The following PRUNE1 variants were observed in gnomAD, a reference collection of about 807,000 sequenced individuals.
The protein encoded by PRUNE1 is prune exopolyphosphatase 1.
Under a neutral mutation model 42.5 loss-of-function variants are expected in PRUNE1, and 25 were observed. That is an observed-to-expected ratio of 0.59 (90% confidence interval 0.43 to 0.82). The LOEUF (loss-of-function observed/expected upper bound fraction) is 0.82, where lower values mean the gene tolerates loss of function less well. PRUNE1 is among the 40% of genes least tolerant of loss of function. The pLI is 0.00. For synonymous variants in PRUNE1, 203 were observed against 217.1 expected, an observed-to-expected ratio of 0.93 and a Z score of 0.57; for missense variants, 443 against 539.3, an observed-to-expected ratio of 0.82 and a Z score of 1.77.
intron 1 of PRUNE1, among the ~76,000 whole-genome samples, chr1:151,016,935 C>T (rs1022275189): frequency 1.1e-4 from 17 of 150,814 alleles, no homozygotes. Context: ...CCAAGGCGGG[C>T]GGATCACCTG....
Position 151,034,106 on chromosome 1 carries a change from A to G in PRUNE1, c.1234A>G (p.Met412Val), listed in dbSNP as rs780986507. 74 of 1,614,082 alleles carry G rather than the reference A, an allele frequency of 4.6e-5. No individual in the cohort carries two copies. Among genetic ancestry groups the G allele is most frequent in the Non-Finnish European group, 6.2e-5 (73 of 1,180,046 alleles). ...EEDPPLPPTPMNSLVDECPLD... is the reference protein window; with the variant it reads ...EEDPPLPPTPVNSLVDECPLD... The stretch of plus-strand genomic sequence containing the variant: ...GGACCCTCCGCTGCCCCCGACGCCC[A>G]TGAACAGCTTGGTGGATGAGTGCCC... Residue 412 changes from methionine to valine, a missense_variant, in exon 8 of 8, where the codon ATG becomes GTG. Met to Val is a conservative substitution (Grantham distance 21, BLOSUM62 1). Coordinates refer to ENST00000271620, the MANE Select transcript of PRUNE1 (RefSeq NM_021222.3).
At chr1:151,023,143 C>T (rs192112172) in intron 3 of PRUNE1, among the ~76,000 whole-genome samples, 117 of 152,130 alleles carry the variant, frequency 7.7e-4, no homozygotes, top group Non-Finnish European at 9.9e-4. Flanking sequence ...TATTTTAGGC[C>T]GTGGGGAACT....
chr1:151,015,050 G>T (rs1674012897), intron 1 of PRUNE1, among the ~76,000 whole-genome samples: 1 of 152,206 alleles, frequency 6.6e-6, no homozygotes, highest in Non-Finnish European at 1.5e-5. Flanking sequence ...AAATTTGGCT[G>T]GGCGTGGTGG....
chr1:151,023,882 T>C (rs1165202021), intron 3 of PRUNE1, among the ~76,000 whole-genome samples: 1 of 151,678 alleles, frequency 6.6e-6, no homozygotes, highest in African/African-American at 2.4e-5. Context: ...ACTCCAATTA[T>C]AACATTAAAG....
intron 1 of PRUNE1, among the ~76,000 whole-genome samples, chr1:151,017,294 A>G (rs1022798149): frequency 6.6e-6 from 1 of 152,098 alleles, no homozygotes; most frequent in African/African-American, 2.4e-5. Context: ...ATTGAAGGAG[A>G]TAGGAGGAAA....
At chr1:151,016,523 T>TG (rs1437459455) in intron 1 of PRUNE1, among the ~76,000 whole-genome samples, 1 of 152,058 alleles carries the variant, frequency 6.6e-6, no homozygotes, top group East Asian at 1.9e-4. Context: ...TTATTTGAGA[T>TG]GGAGTTTCGC....
chr1:151,024,795 G>T lies in PRUNE1; in HGVS notation c.520G>T (p.Gly174Ter), dbSNP rs200618384. Residue 174 changes from glycine to a stop codon, truncating the protein, a stop_gained and splice_region_variant, in exon 4 of 8, where the codon GGA becomes TGA. Coordinates refer to ENST00000271620, the MANE Select transcript of PRUNE1 (RefSeq NM_021222.3). LOFTEE classifies it high-confidence loss of function. The part of the protein sequence containing the change: ...LDRQTAALLH[G>*]TIILDCVNMD... ...CAGGCAAACTGCAGCCCTTCTGCAT[G>T]GTAAGGGTGGCTTTTGGATTGGGAC... The T allele has an allele frequency of 3.1e-6, 5 of 1,607,924 alleles. No homozygotes were observed. Among genetic ancestry groups the T allele is most frequent in the Non-Finnish European group, 4.2e-6 (5 of 1,176,782 alleles).
chr1:151,030,940 TATC>T (rs1224543973), intron 7 of PRUNE1, among the ~76,000 whole-genome samples: 1 of 152,168 alleles, frequency 6.6e-6, no homozygotes, highest in East Asian at 1.9e-4. Context: ...TTAAACGTAA[TATC>T]ATGTGTAAAG....
chr1:151,026,669 A>G (rs1020589624), intron 5 of PRUNE1, among the ~76,000 whole-genome samples: 1 of 152,046 alleles, frequency 6.6e-6, no homozygotes, highest in South Asian at 2.1e-4. Flanking sequence ...GTTGACATAA[A>G]AAGGAAGAAA....
At chr1:151,011,918 A>G (rs1023355069) in intron 1 of PRUNE1, among the ~76,000 whole-genome samples, 2 of 152,032 alleles carry the variant, frequency 1.3e-5, no homozygotes, top group African/African-American at 4.8e-5. Context: ...AGCTGGGACT[A>G]CAGGCATGTG....
Position 151,024,850 on chromosome 1 carries a change from G to A in PRUNE1, c.520+55G>A. On this transcript the variant is annotated intron_variant, in intron 4 of 7. Coordinates refer to ENST00000271620, the MANE Select transcript of PRUNE1 (RefSeq NM_021222.3). ...GTAGTTCTATTCCTGTCCCTGAGAA[G>A]GGAGGGTGGAAAAGTCTAGACGCTT... 3.9e-6 allele frequency: 6 copies of A among 1,531,518 alleles called. 1 individual carries two copies. The South Asian group carries it at 7.2e-5, about 18-fold the overall frequency. The allele number at this position is 1,531,518 out of a possible 1,614,324, so 94.9% of individuals were successfully genotyped here.
At position 151,034,306 on chromosome 1, in the gene PRUNE1, A is replaced by C; in HGVS notation, c.*72A>C. On this transcript the variant is annotated 3_prime_UTR_variant, in exon 8 of 8. Transcript: ENST00000271620. ...CAAATGCATGTTTTGAGATGTTTGG[A>C]GATTCAGCAATTCTGTCTTCATTGC... 6.8e-7 allele frequency: 1 copy of C among 1,460,888 alleles called. No individual in the cohort carries two copies. Among genetic ancestry groups the C allele is most frequent in the Non-Finnish European group, 9.3e-7 (1 of 1,069,962 alleles). The allele number at this position is 1,460,888 out of a possible 1,614,324, so 90.5% of individuals were successfully genotyped here.
chr1:151,027,395 T>C, intron 6 of PRUNE1, 68 bp downstream of exon 6: 1 of 1,113,746 alleles, frequency 9.0e-7, no homozygotes, highest in Non-Finnish European at 1.3e-6. Flanking sequence ...GCATGTGGCC[T>C]TGCACCTCAT....
chr1:151,019,896 C>G (rs145121996), intron 3 of PRUNE1, among the ~76,000 whole-genome samples: 1 of 150,030 alleles, frequency 6.7e-6, no homozygotes, highest in African/African-American at 2.5e-5. Flanking sequence ...GGTGTGATCT[C>G]GGCTCACTGC....
chr1:151,034,213 A>G lies in PRUNE1; in HGVS notation c.1341A>G (p.Thr447=), dbSNP rs776538754. ...CSQISLSQST[T]ASLSKK The stretch of plus-strand genomic sequence containing the variant: ...AGATCTCACTGTCACAGTCTACCAC[A>G]GCCTCCCTGTCCAAGAAGTGACTGT... Residue 447 remains threonine (T), a synonymous_variant, in exon 8 of 8, where the codon ACA becomes ACG. Coordinates refer to ENST00000271620, the MANE Select transcript of PRUNE1 (RefSeq NM_021222.3). The G allele has an allele frequency of 5.0e-6, 8 of 1,611,576 alleles. No homozygotes were observed. Among genetic ancestry groups the G allele is most frequent in the Non-Finnish European group, 6.8e-6 (8 of 1,178,340 alleles).
In PRUNE1 at chr1:151,008,667, T is replaced by C. The variant is rs760164044; in HGVS notation, c.35T>C (p.Leu12Pro). The change falls in exon 1 of 8, where the codon CTG becomes CCG. Residue 12 changes from leucine (L) to proline (P), a missense_variant. By Grantham distance (98) the Leu-to-Pro change is moderately conservative. Coordinates refer to ENST00000271620, the MANE Select transcript of PRUNE1 (RefSeq NM_021222.3). ...EDYLQGCRAA[L>P]QESRPLHVVL... Reference sequence around the variant, plus strand: ...TACCTGCAGGGTTGTCGAGCTGCTCTGCAGGTAACGAATCCCTGTCTGTGA... The same window carrying C: ...TACCTGCAGGGTTGTCGAGCTGCTCCGCAGGTAACGAATCCCTGTCTGTGA... The C allele has an allele frequency of 6.2e-7, 1 of 1,613,950 alleles. No homozygotes were observed. Among genetic ancestry groups the C allele is most frequent in the East Asian group, 2.2e-5 (1 of 44,884 alleles).
At chr1:151,028,750 A>G (rs909824008) in intron 6 of PRUNE1, 36 bp from the exon 7 acceptor site, 24 of 1,600,240 alleles carry the variant, frequency 1.5e-5, no homozygotes, top group Admixed American at 3.4e-5. Context: ...TGATGATGAG[A>G]AAGTCCTTCA....
chr1:151,012,792 G>A (rs1194242331), intron 1 of PRUNE1, among the ~76,000 whole-genome samples: 1 of 151,922 alleles, frequency 6.6e-6, no homozygotes, highest in Non-Finnish European at 1.5e-5. Context: ...GTTTTTTTGA[G>A]ATGGAGTCTC....
intron 6 of PRUNE1, among the ~76,000 whole-genome samples, chr1:151,028,316 T>C (rs963625164): frequency 2.6e-5 from 4 of 152,194 alleles, no homozygotes; most frequent in African/African-American, 9.6e-5. Flanking sequence ...CTCAGCTCAC[T>C]GCAACCTCTG....
Sources: allele counts gnomAD v4.1 joint callset (sites outside exome capture counted in the v4.1 genomes callset), GRCh38; gene constraint gnomAD v4.1.1; transcripts MANE v1.5; gene names NCBI Gene and HGNC (gene_info 2026-07-23, HGNC 2026-07-21).